The following TIAM1 variants were observed in gnomAD, a reference collection of about 807,000 sequenced individuals.
TIAM1 encodes TIAM Rac1 associated GEF 1.
Under a neutral mutation model 163.5 loss-of-function variants are expected in TIAM1, and 65 were observed. The ratio of observed to expected loss-of-function variants is 0.40; its 90% CI spans 0.33 to 0.49. The LOEUF (loss-of-function observed/expected upper bound fraction) is 0.49, where lower values mean the gene tolerates loss of function less well. Among genes scored for constraint, TIAM1 ranks in the 20% least tolerant of loss-of-function variants. TIAM1 has a pLI of 0.77. For missense variants in TIAM1, 1,789 were observed against 2,044.7 expected, an observed-to-expected ratio of 0.87 and a Z score of 2.41; for synonymous variants, 833 against 810.1, an observed-to-expected ratio of 1.03 and a Z score of -0.48.
chr21:31,355,946 G>A (rs908186528), intron 2 of TIAM1, among the ~76,000 whole-genome samples: 2 of 152,082 alleles, frequency 1.3e-5, no homozygotes, highest in Admixed American at 6.5e-5. Context: ...CACAAGAGCA[G>A]GCACTTTTAT....
At chr21:31,323,331 G>A (rs1393866001) in intron 2 of TIAM1, among the ~76,000 whole-genome samples, 1 of 151,182 alleles carries the variant, frequency 6.6e-6, no homozygotes, top group Non-Finnish European at 1.5e-5. Flanking sequence ...CATAAAAAAA[G>A]TGGTGCTAAA....
rs1267582327 is a variant in TIAM1 at position 31,223,451 on chromosome 21, G to A, written c.1950C>T (p.Ala650=). The A allele has an allele frequency of 6.2e-7, 1 of 1,613,776 alleles. No individual in the cohort carries two copies. Among genetic ancestry groups the A allele is most frequent in the Non-Finnish European group, 8.5e-7 (1 of 1,179,834 alleles). ...CCGAAAAGATTCCAAGGCGGCCCAT[G>A]GCCACTTTCGTTGGTCGACTTGCAA... The part of the protein sequence containing the change: ...LAFASRPTKV[A]MGRLGIFSVS... The change falls in exon 8 of 28, where the codon GCC becomes GCT. Residue 650 remains alanine, a synonymous_variant. Coordinates refer to ENST00000541036, the MANE Select transcript of TIAM1 (RefSeq NM_001353694.2).
At chr21:31,357,744 G>T (rs1409999453) in intron 2 of TIAM1, among the ~76,000 whole-genome samples, 1 of 152,150 alleles carries the variant, frequency 6.6e-6, no homozygotes, top group Admixed American at 6.5e-5. Context: ...CTGTTCTCAA[G>T]GGCACTAATG....
At chr21:31,452,707 A>G (rs909304431) in intron 2 of TIAM1, 1 of 448,282 alleles carries the variant, frequency 2.2e-6, no homozygotes, top group African/African-American at 2.1e-5. Flanking sequence ...ATAAGACTCA[A>G]AAGTAATAAA....
At chr21:31,502,481 A>G (rs1340285379) in intron 1 of TIAM1, among the ~76,000 whole-genome samples, 2 of 152,068 alleles carry the variant, frequency 1.3e-5, no homozygotes, top group Non-Finnish European at 2.9e-5. Context: ...GTCCATTACT[A>G]CCACAACCAC....
chr21:31,187,058 C>T lies in TIAM1; in HGVS notation c.2605G>A (p.Gly869Ser), dbSNP rs2085338059. 13 of 1,613,984 alleles carry T rather than the reference C, an allele frequency of 8.1e-6. No homozygotes were observed. The highest frequency in any genetic ancestry group is 1.0e-5 in the Non-Finnish European group (12 of 1,179,996). Residue 869 changes from glycine (G) to serine (S), a missense_variant, in exon 14 of 28, where the codon GGT (glycine) becomes AGT (serine). Physicochemically the swap from Gly to Ser is moderately conservative, Grantham distance 56. Transcript: ENST00000541036. ...CTATTCACGTACAGCCTTCGAATACCATCTTCTTCCACAGAAGAAAGTGAA... is the reference window on the plus strand; with the variant it reads ...CTATTCACGTACAGCCTTCGAATACTATCTTCTTCCACAGAAGAAAGTGAA... ...GFSLSSVEED[G>S]IRRLYVNSVK...
In TIAM1 at chr21:31,225,524, G is replaced by T. The variant is rs543691924; in HGVS notation, c.1809+202C>A. 5.9e-5 allele frequency among the ~76,000 whole-genome samples: 9 copies of T among 152,078 alleles called. 1 individual carries two copies. The South Asian group carries it at 1.9e-3, about 32-fold the overall frequency. On this transcript the variant is annotated intron_variant, in intron 7 of 27. Transcript: ENST00000541036. ...TCTGTCTTTCATTCAATGTAATATT[G>T]TTCCGTTTAGCTATTAACAATCAGC...
intron 1 of TIAM1, among the ~76,000 whole-genome samples, chr21:31,541,820 T>G (rs763283774): frequency 6.6e-6 from 1 of 152,254 alleles, no homozygotes; most frequent in South Asian, 2.1e-4. Context: ...TTATTGTTCT[T>G]ACAAAAATCA....
At chr21:31,253,256 T>C (rs1409843518) in intron 4 of TIAM1, among the ~76,000 whole-genome samples, 1 of 152,204 alleles carries the variant, frequency 6.6e-6, no homozygotes, top group African/African-American at 2.4e-5. Context: ...CTGAGTCTAA[T>C]ATAGAAGATG....
At chr21:31,249,328 C>T (rs544456721) in intron 5 of TIAM1, among the ~76,000 whole-genome samples, 1 of 152,272 alleles carries the variant, frequency 6.6e-6, no homozygotes, top group African/African-American at 2.4e-5. Flanking sequence ...AGAAACCAAC[C>T]CTGCCAACAC....
chr21:31,507,644 G>A (rs1026796767), intron 1 of TIAM1, among the ~76,000 whole-genome samples: 26 of 152,132 alleles, frequency 1.7e-4, no homozygotes, highest in African/African-American at 6.0e-4. Context: ...CCTGGGATAC[G>A]ATCAATCATG....
intron 2 of TIAM1, among the ~76,000 whole-genome samples, chr21:31,320,679 C>T (rs1309243855): frequency 6.6e-6 from 1 of 152,058 alleles, no homozygotes; most frequent in Non-Finnish European, 1.5e-5. Context: ...CTCAGAGCCT[C>T]GCTAAATGTG....
At chr21:31,131,316 A>G (rs2082405731) in intron 23 of TIAM1, among the ~76,000 whole-genome samples, 1 of 152,256 alleles carries the variant, frequency 6.6e-6, no homozygotes, top group Admixed American at 6.5e-5. Flanking sequence ...GTCTTTCACA[A>G]TAACAATGCA....
At chr21:31,178,408 G>A (rs2084866615) in intron 15 of TIAM1, among the ~76,000 whole-genome samples, 1 of 140,324 alleles carries the variant, frequency 7.1e-6, no homozygotes, top group Non-Finnish European at 1.5e-5. Flanking sequence ...CGGGGTTCAC[G>A]CCATTCTCCT....
intron 2 of TIAM1, among the ~76,000 whole-genome samples, chr21:31,369,814 C>T (rs1204828655): frequency 1.3e-5 from 2 of 152,038 alleles, no homozygotes; most frequent in African/African-American, 2.4e-5. Flanking sequence ...ATGGTGAAAC[C>T]CCGTCTCTAC....
At position 31,339,244 on chromosome 21, in the gene TIAM1, C is replaced by G; in HGVS notation, c.-190G>C. The G allele has an allele frequency of 2.5e-6, 1 of 398,234 alleles. No individual in the cohort carries two copies. The highest frequency in any genetic ancestry group is 3.6e-5 in the East Asian group (1 of 28,060). 24.7% of individuals were successfully genotyped at this position (398,234 alleles called of 1,614,324 possible). A position where few individuals can be genotyped will look rare whatever the true frequency, so the allele number is the denominator to read the frequency against. On this transcript the variant is annotated splice_region_variant and 5_prime_UTR_variant, in exon 2 of 28. Coordinates refer to ENST00000541036, the MANE Select transcript of TIAM1 (RefSeq NM_001353694.2). ...GCCTTTTGCAAACGCCACACTTACC[C>G]CATTGGAAACAGAAGAGGCTTTGTC... is the stretch of plus-strand genomic sequence containing the variant.
At chr21:31,549,472 A>G (rs1418464142) in intron 1 of TIAM1, among the ~76,000 whole-genome samples, 11 of 108,292 alleles carry the variant, frequency 1.0e-4, no homozygotes, top group African/African-American at 1.3e-4. Flanking sequence ...CAACTTATTA[A>G]TAAAAAAAAA....
intron 13 of TIAM1, among the ~76,000 whole-genome samples, chr21:31,192,343 C>T (rs932934527): frequency 1.3e-5 from 2 of 152,136 alleles, no homozygotes; most frequent in African/African-American, 4.8e-5. Context: ...CTGGGCCAGG[C>T]ACAGTGGCTC....
intron 8 of TIAM1, among the ~76,000 whole-genome samples, chr21:31,221,591 C>G (rs1053445908): frequency 3.3e-5 from 5 of 152,198 alleles, no homozygotes; most frequent in African/African-American, 1.2e-4. Context: ...CGCCCAGTGG[C>G]TTTGAAGAAA....
Sources: allele counts gnomAD v4.1 joint callset (sites outside exome capture counted in the v4.1 genomes callset), GRCh38; gene constraint gnomAD v4.1.1; transcripts MANE v1.5; gene names NCBI Gene and HGNC (gene_info 2026-07-23, HGNC 2026-07-21).